ZNF7: variants seen among roughly 807,000 people sequenced by gnomAD.
ZNF7 encodes C2-H2 type zinc finger protein.
In ZNF7, 10 loss-of-function variants were observed where a neutral mutation model predicts 12.0. The ratio of observed to expected loss-of-function variants is 0.83; its 90% CI spans 0.51 to 1.42. The LOEUF (loss-of-function observed/expected upper bound fraction) is 1.42, where lower values mean the gene tolerates loss of function less well. Among genes scored for constraint, ZNF7 ranks in the 40% most tolerant of loss-of-function variants. The pLI, the probability that ZNF7 is intolerant of heterozygous loss-of-function variation, is 0.00. For missense variants in ZNF7, 854 were observed against 837.2 expected (o/e 1.02, Z -0.25); for synonymous variants, 334 against 295.0 (o/e 1.13, Z -1.35).
Position 144,829,567 on chromosome 8 carries a change from A to C in ZNF7, c.93A>C (p.Glu31Asp), listed in dbSNP as rs1828196668. Residue 31 changes from glutamate (E) to aspartate (D), a missense_variant, in exon 3 of 5, where the codon GAA becomes GAC. Coordinates refer to ENST00000532777, the MANE Select transcript of ZNF7 (RefSeq NM_003416.4). The part of the protein sequence containing the change: ...LDPGQRALYR[E>D]VMLENHSSVA... ...CTGGCCAGAGGGCCCTCTACAGGGAAGTGATGCTGGAGAACCACAGCAGTG... is the reference window on the plus strand; with the variant it reads ...CTGGCCAGAGGGCCCTCTACAGGGACGTGATGCTGGAGAACCACAGCAGTG... 1 of 1,613,576 alleles carries C rather than the reference A, an allele frequency of 6.2e-7. No homozygotes were observed. The highest frequency in any genetic ancestry group is 1.3e-5 in the African/African-American group (1 of 74,936).
Position 144,841,430 on chromosome 8 carries a change from T to C in ZNF7, c.323T>C (p.Val108Ala). 6.2e-7 allele frequency: 1 copy of C among 1,614,228 alleles called. No individual in the cohort carries two copies. The highest frequency in any genetic ancestry group is 8.5e-7 in the Non-Finnish European group (1 of 1,180,030). The change falls in exon 5 of 5, where the codon GTG becomes GCG. Residue 108 changes from valine (V) to alanine (A), a missense_variant. Transcript: ENST00000532777. ...CTAAAATCAGAATCCTATGGGACAG[T>C]GGTCAGAATCTCCCCACAGGACTTT... ...DILKSESYGT[V>A]VRISPQDFPQ... is the part of the protein sequence containing the mutation.
chr8:144,846,792 G>A (rs1830534083), downstream of ZNF7: 1 of 152,232 alleles, frequency 6.6e-6, no homozygotes, highest in African/African-American at 2.4e-5. Flanking sequence ...TCCGCCACCT[G>A]GGTTCACGCC....
downstream of ZNF7, among the ~76,000 whole-genome samples, chr8:144,844,364 T>C (rs910009461): frequency 2.8e-4 from 43 of 151,926 alleles, no homozygotes; most frequent in African/African-American, 1.0e-3. Flanking sequence ...GTTGCCCCAC[T>C]TTTTTTTGGT....
chr8:144,843,078 CG>C lies in ZNF7; in HGVS notation c.1975del (p.Glu659ArgfsTer39). ...TAATTATACACCAGAGAATTCACAC[CG>C]GGGAGAAGCCTTATAAATGCAATGA... The part of the protein sequence containing the change: ...HLIIHQRIHT[G>X]EKPYKCNDCG... On this transcript the variant is annotated frameshift_variant, in exon 5 of 5. Coordinates refer to ENST00000532777, the MANE Select transcript of ZNF7 (RefSeq NM_003416.4). LOFTEE classifies it low-confidence loss of function (END_TRUNC). The C allele has an allele frequency of 6.2e-7, 1 of 1,613,340 alleles. No individual in the cohort carries two copies. Among genetic ancestry groups the C allele is most frequent in the African/African-American group, 1.3e-5 (1 of 74,944 alleles).
At chr8:144,837,995 T>C (rs754134722) in intron 4 of ZNF7, 3 of 684,672 alleles carry the variant, frequency 4.4e-6, no homozygotes, top group Non-Finnish European at 8.0e-6. Flanking sequence ...AACAGAAATT[T>C]ATTGTCTCAC....
At chr8:144,829,356 A>G in intron 2 of ZNF7, 122 bp from the exon 3 acceptor site, 1 of 1,556,962 alleles carries the variant, frequency 6.4e-7, no homozygotes, top group Middle Eastern at 1.8e-4. Flanking sequence ...TTAGAGGCAG[A>G]GGAGTCCTGG....
At chr8:144,829,304 T>C (rs1828159979) in intron 2 of ZNF7, 174 bp from the exon 3 acceptor site, 1 of 1,537,610 alleles carries the variant, frequency 6.5e-7, no homozygotes, top group African/African-American at 1.4e-5. Context: ...CACCATGGAC[T>C]GGGTTCCTTC....
Position 144,841,410 on chromosome 8 carries a change from A to G in ZNF7, c.303A>G (p.Lys101=). ...CCTGTGAGGACATGGACATCCTAAAATCAGAATCCTATGGGACAGTGGTCA... is the reference window on the plus strand; with the variant it reads ...CCTGTGAGGACATGGACATCCTAAAGTCAGAATCCTATGGGACAGTGGTCA... The part of the protein sequence containing the change: ...EQACEDMDIL[K]SESYGTVVRI... The change falls in exon 5 of 5, where the codon AAA becomes AAG. Residue 101 remains lysine (K), a synonymous_variant. Coordinates refer to ENST00000532777, the MANE Select transcript of ZNF7 (RefSeq NM_003416.4). 6.2e-7 allele frequency: 1 copy of G among 1,613,804 alleles called. No individual in the cohort carries two copies. The highest frequency in any genetic ancestry group is 8.5e-7 in the Non-Finnish European group (1 of 1,179,712).
chr8:144,837,958 T>C (rs1333545430), intron 4 of ZNF7: 2 of 656,148 alleles, frequency 3.0e-6, no homozygotes, highest in East Asian at 2.7e-5. Flanking sequence ...GCCATAACAA[T>C]GAACCACAGA....
At chr8:144,839,799 C>T (rs1453757082) in intron 4 of ZNF7, among the ~76,000 whole-genome samples, 1 of 152,176 alleles carries the variant, frequency 6.6e-6, no homozygotes, top group African/African-American at 2.4e-5. Flanking sequence ...GATATTGGCC[C>T]AGAGCAGTGG....
chr8:144,832,818 A>G (rs1255628266), intron 3 of ZNF7, among the ~76,000 whole-genome samples: 1 of 152,194 alleles, frequency 6.6e-6, no homozygotes, highest in African/African-American at 2.4e-5. Flanking sequence ...TCTGTATCCC[A>G]GCTCCACATT....
downstream of ZNF7, among the ~76,000 whole-genome samples, chr8:144,844,216 G>A (rs1357815305): frequency 6.6e-6 from 1 of 152,160 alleles, no homozygotes; most frequent in African/African-American, 2.4e-5. Flanking sequence ...ACAATGTAGA[G>A]AAACATGCCT....
At chr8:144,829,793 A>T (rs1828219740) in intron 3 of ZNF7, 189 bp downstream of exon 3, 2 of 619,994 alleles carry the variant, frequency 3.2e-6, no homozygotes, top group Admixed American at 3.7e-5. Flanking sequence ...TTCAGCCCCC[A>T]GGGAGTGGGT....
chr8:144,827,644 C>T (rs1827917741), intron 1 of ZNF7, 35 bp downstream of exon 1: 1 of 985,536 alleles, frequency 1.0e-6, no homozygotes, highest in South Asian at 4.7e-5. Flanking sequence ...CTCGGGTTGC[C>T]CTCGGTCCGA....
chr8:144,841,736 A>G lies in ZNF7; in HGVS notation c.629A>G (p.Asp210Gly), dbSNP rs1829937693. Reference protein sequence around the residue: ...ECGKGIRATSDIALHWEINTQ... With the variant: ...ECGKGIRATSGIALHWEINTQ... The stretch of plus-strand genomic sequence containing the variant: ...GGCAAAGGCATCAGAGCCACTTCAG[A>G]TATCGCTCTGCATTGGGAAATTAAT... Residue 210 changes from aspartate (D) to glycine (G), a missense_variant, in exon 5 of 5, where the codon GAT (aspartate) becomes GGT (glycine). Physicochemically the swap from Asp to Gly is moderately conservative, Grantham distance 94. Coordinates refer to ENST00000532777, the MANE Select transcript of ZNF7 (RefSeq NM_003416.4). 5 of 1,614,196 alleles carry G rather than the reference A, an allele frequency of 3.1e-6. No homozygotes were observed. The highest frequency in any genetic ancestry group is 3.4e-6 in the Non-Finnish European group (4 of 1,180,048).
At chr8:144,836,510 T>A (rs1829010737) in intron 3 of ZNF7, 1 of 152,310 alleles carries the variant, frequency 6.6e-6, no homozygotes, top group African/African-American at 2.4e-5. Context: ...GCGCGTGTTC[T>A]GTGGTATGTT....
At chr8:144,840,675 C>T (rs1829774861) in intron 4 of ZNF7, among the ~76,000 whole-genome samples, 1 of 152,112 alleles carries the variant, frequency 6.6e-6, no homozygotes, top group Non-Finnish European at 1.5e-5. Flanking sequence ...TCCTGGGGGC[C>T]TCCAGAAACT....
chr8:144,842,619 A>T lies in ZNF7; in HGVS notation c.1512A>T (p.Lys504Asn). The stretch of plus-strand genomic sequence containing the variant: ...CCTATGTGTGTAATGACTGTGGAAA[A>T]GCCTTCAGTCAGAGTTCCAGCCTTA... Reference protein sequence around the residue: ...EKPYVCNDCGKAFSQSSSLIY... With the variant: ...EKPYVCNDCGNAFSQSSSLIY... The change falls in exon 5 of 5, where the codon AAA becomes AAT. Residue 504 changes from lysine (K) to asparagine (N), a missense_variant. Physicochemically the swap from Lys to Asn is moderately conservative, Grantham distance 94. Transcript: ENST00000532777. 1 of 1,614,254 alleles carries T rather than the reference A, an allele frequency of 6.2e-7. No individual in the cohort carries two copies. Among genetic ancestry groups the T allele is most frequent in the Non-Finnish European group, 8.5e-7 (1 of 1,180,056 alleles).
downstream of ZNF7, chr8:144,846,172 G>A: frequency 1.3e-6 from 2 of 1,536,012 alleles, no homozygotes; most frequent in South Asian, 1.2e-5. Flanking sequence ...CCATATGGAT[G>A]GTCTGAAAAT....
Sources: gnomAD v4.1 joint callset for allele counts (sites outside exome capture counted in the v4.1 genomes callset) on GRCh38, gnomAD v4.1.1 for gene constraint, MANE v1.5 for transcripts, NCBI Gene and HGNC (gene_info 2026-07-23, HGNC 2026-07-21) for gene names.